Variants in FHIT observed in about 807,000 individuals in gnomAD.
FHIT encodes fragile histidine triad diadenosine triphosphatase, also known as bis(5'-adenosyl)-triphosphatase.
In FHIT, 19 loss-of-function variants were observed where a neutral mutation model predicts 17.9. The ratio of observed to expected loss-of-function variants is 1.06; its 90% CI spans 0.74 to 1.56. FHIT has a LOEUF of 1.56. Among genes scored for constraint, FHIT ranks in the 40% most tolerant of loss-of-function variants. The pLI is 0.00. For synonymous variants in FHIT, 81 were observed against 69.7 expected (o/e 1.16, Z -0.81); for missense variants, 248 against 189.2 (o/e 1.31, Z -1.82).
intron 5 of FHIT, among the ~76,000 whole-genome samples, chr3:60,189,144 T>C (rs1438319087): frequency 1.3e-5 from 2 of 151,454 alleles, no homozygotes; most frequent in Non-Finnish European, 2.9e-5. Flanking sequence ...TGTTAAAAAG[T>C]AGAGCTGGTG....
intron 5 of FHIT, among the ~76,000 whole-genome samples, chr3:60,468,719 A>G (rs1251843357): frequency 1.3e-5 from 2 of 152,162 alleles, no homozygotes; most frequent in East Asian, 3.8e-4. Context: ...TTTACATACT[A>G]CAATAGTGTT....
intron 5 of FHIT, among the ~76,000 whole-genome samples, chr3:60,306,250 G>A (rs1708666733): frequency 6.6e-6 from 1 of 152,116 alleles, no homozygotes; most frequent in Non-Finnish European, 1.5e-5. Context: ...CTATGGTAAA[G>A]AGGATTTACG....
At chr3:59,928,789 G>T (rs1705800451) in intron 7 of FHIT, among the ~76,000 whole-genome samples, 1 of 152,100 alleles carries the variant, frequency 6.6e-6, no homozygotes, top group African/African-American at 2.4e-5. Context: ...AAGGTCAGGA[G>T]TTCGAGACCA....
chr3:60,345,396 C>T (rs1027044444), intron 5 of FHIT, among the ~76,000 whole-genome samples: 1 of 152,296 alleles, frequency 6.6e-6, no homozygotes, highest in African/African-American at 2.4e-5. Flanking sequence ...AGCTTCTTTA[C>T]CAATTCCTGC....
At chr3:60,757,376 GAGAA>G (rs1417627874) in intron 4 of FHIT, among the ~76,000 whole-genome samples, 1 of 152,202 alleles carries the variant, frequency 6.6e-6, no homozygotes, top group Non-Finnish European at 1.5e-5. Context: ...AATGGCAACA[GAGAA>G]AGAAAGAGAA....
At chr3:60,582,546 G>C (rs1192982200) in intron 4 of FHIT, among the ~76,000 whole-genome samples, 1 of 152,012 alleles carries the variant, frequency 6.6e-6, no homozygotes, top group Non-Finnish European at 1.5e-5. Context: ...ACAGACCAAA[G>C]TTTAAAATAT....
intron 4 of FHIT, among the ~76,000 whole-genome samples, chr3:60,753,336 G>A (rs964863197): frequency 3.9e-5 from 6 of 152,200 alleles, no homozygotes; most frequent in Non-Finnish European, 5.9e-5. Context: ...GGCAGAGCTG[G>A]CTGAAGATGT....
rs569896924 is a variant in FHIT at position 59,887,062 on chromosome 3, G to A, written c.348+35284C>T. 2.6e-5 allele frequency among the ~76,000 whole-genome samples: 4 copies of A among 151,546 alleles called. No individual in the cohort carries two copies. In the South Asian group the frequency reaches 8.5e-4, roughly 32 times the overall value. ...GGCTGGTTGGCTAAGTGTGTATGGA[G>A]CAGGGAGGCTTGGAAGGGGGAAAGT... On this transcript the variant is annotated intron_variant, in intron 8 of 9. Transcript: ENST00000492590.
At chr3:60,135,111 G>A (rs1254634570) in intron 5 of FHIT, among the ~76,000 whole-genome samples, 32 of 152,084 alleles carry the variant, frequency 2.1e-4, no homozygotes, top group Admixed American at 2.1e-3. Context: ...AAAAACAGAA[G>A]TGGATGGACA....
chr3:59,826,736 A>C (rs1700993413), intron 8 of FHIT, among the ~76,000 whole-genome samples: 1 of 152,272 alleles, frequency 6.6e-6, no homozygotes, highest in African/African-American at 2.4e-5. Context: ...CTGCCCACCA[A>C]TTGCCAGTAG....
chr3:60,196,475 AT>A (rs1472323834), intron 5 of FHIT, among the ~76,000 whole-genome samples: 1 of 152,118 alleles, frequency 6.6e-6, no homozygotes, highest in Admixed American at 6.5e-5. Context: ...ACCTACCTGA[AT>A]AATACCAGAT....
intron 5 of FHIT, among the ~76,000 whole-genome samples, chr3:60,100,499 C>T (rs1052970383): frequency 2.0e-5 from 3 of 152,150 alleles, no homozygotes; most frequent in African/African-American, 7.2e-5. Flanking sequence ...TTTTAAAAAA[C>T]TGGTTTTTAA....
intron 3 of FHIT, among the ~76,000 whole-genome samples, chr3:60,823,202 T>G (rs1029078775): frequency 6.6e-6 from 1 of 152,054 alleles, no homozygotes; most frequent in Non-Finnish European, 1.5e-5. Flanking sequence ...ACAAAATACA[T>G]ATGTAAAATA....
chr3:61,216,929 G>C (rs2039695580), intron 1 of FHIT, among the ~76,000 whole-genome samples: 1 of 150,618 alleles, frequency 6.6e-6, no homozygotes, highest in Admixed American at 6.6e-5. Context: ...TCACTCATAG[G>C]TGGGAATTGA....
chr3:60,481,088 A>G (rs566052459), intron 5 of FHIT, among the ~76,000 whole-genome samples: 60 of 152,324 alleles, frequency 3.9e-4, no homozygotes, highest in African/African-American at 1.4e-3. Flanking sequence ...TTTTATATCT[A>G]GGTGGAAATT....
chr3:60,004,665 T>C (rs1244689029), intron 7 of FHIT, among the ~76,000 whole-genome samples: 1 of 152,196 alleles, frequency 6.6e-6, no homozygotes, highest in Non-Finnish European at 1.5e-5. Flanking sequence ...AGCCTGGTCA[T>C]ATGATATAAT....
intron 5 of FHIT, among the ~76,000 whole-genome samples, chr3:60,278,926 C>G (rs1261111935): frequency 6.6e-6 from 1 of 151,730 alleles, no homozygotes; most frequent in African/African-American, 2.4e-5. Flanking sequence ...ACACATATAT[C>G]AAAAAAGAAG....
intron 5 of FHIT, among the ~76,000 whole-genome samples, chr3:60,524,379 T>C (rs1437478597): frequency 6.6e-6 from 1 of 152,068 alleles, no homozygotes; most frequent in Non-Finnish European, 1.5e-5. Context: ...TCTGAAGGAG[T>C]TGAGTGAACA....
chr3:60,058,725 G>A (rs1702185556), intron 5 of FHIT, among the ~76,000 whole-genome samples: 1 of 152,120 alleles, frequency 6.6e-6, no homozygotes, highest in Non-Finnish European at 1.5e-5. Flanking sequence ...CACTGATAGT[G>A]ACAGCTAGCA....
Sources: gnomAD v4.1 joint callset for allele counts (sites outside exome capture counted in the v4.1 genomes callset) on GRCh38, gnomAD v4.1.1 for gene constraint, MANE v1.5 for transcripts, NCBI Gene and HGNC (gene_info 2026-07-23, HGNC 2026-07-21) for gene names.